Variants in CUL5 observed in about 807,000 individuals in gnomAD.
CUL5 encodes cullin-5.
In CUL5, 26 loss-of-function variants were observed where a neutral mutation model predicts 108.8. That is an observed-to-expected ratio of 0.24 (90% CI 0.18 to 0.33). The LOEUF is 0.33. Ranked by LOEUF, CUL5 falls within the 10% of genes least tolerant of loss-of-function variation. The pLI is 1.00. For missense variants in CUL5, 524 were observed against 909.2 expected (o/e 0.58, Z 5.45); for synonymous variants, 334 against 298.0 (o/e 1.12, Z -1.25).
At chr11:108,090,011 G>C (rs1028399233) in intron 13 of CUL5, among the ~76,000 whole-genome samples, 2 of 149,718 alleles carry the variant, frequency 1.3e-5, no homozygotes, top group African/African-American at 2.4e-5. Flanking sequence ...TTGCACTCCA[G>C]CCTGGGTAAC....
chr11:108,039,443 C>G (rs1862835228), intron 2 of CUL5, among the ~76,000 whole-genome samples: 2 of 152,218 alleles, frequency 1.3e-5, no homozygotes, highest in South Asian at 4.1e-4. Context: ...AGATACCCTT[C>G]TAGGGGAACA....
intron 14 of CUL5, 74 bp downstream of exon 14, chr11:108,094,588 T>TA: frequency 1.0e-6 from 1 of 982,694 alleles, no homozygotes. Flanking sequence ...AAATTAAAAA[T>TA]AAACCTCAGC....
In CUL5 at chr11:108,107,180, C is replaced by T. The variant is rs1864823908; in HGVS notation, c.*2796C>T. ...TCTGTCAACTTTTTTATTTAAGTCT[C>T]TTGCTCTTATTTTGTGCATAAATGT... is the stretch of plus-strand genomic sequence containing the variant. On this transcript the variant is annotated 3_prime_UTR_variant, in exon 19 of 19. Transcript: ENST00000393094. 6.6e-6 allele frequency: 1 copy of T among 151,840 alleles called. No homozygotes were observed. Among genetic ancestry groups the T allele is most frequent in the African/African-American group, 2.4e-5 (1 of 41,334 alleles). 9.4% of individuals were successfully genotyped at this position (151,840 alleles called of 1,614,324 possible).
intron 7 of CUL5, among the ~76,000 whole-genome samples, chr11:108,058,825 C>G (rs932306080): frequency 6.6e-6 from 1 of 152,086 alleles, no homozygotes; most frequent in African/African-American, 2.4e-5. Context: ...ATTTTACATA[C>G]AATTCTAATA....
intron 7 of CUL5, among the ~76,000 whole-genome samples, chr11:108,060,792 A>G (rs1863513459): frequency 6.6e-6 from 1 of 151,944 alleles, no homozygotes; most frequent in African/African-American, 2.4e-5. Flanking sequence ...AGATCGCGCC[A>G]TTGCACTCCA....
chr11:108,097,062 G>C (rs912685057), intron 16 of CUL5, among the ~76,000 whole-genome samples: 1 of 152,028 alleles, frequency 6.6e-6, no homozygotes. Context: ...CTGTCCTCCA[G>C]GTTGGAGTTC....
chr11:108,097,207 G>T (rs1036119273), intron 16 of CUL5, among the ~76,000 whole-genome samples: 8 of 152,084 alleles, frequency 5.3e-5, no homozygotes, highest in Admixed American at 2.0e-4. Context: ...GTAGAGACGG[G>T]GTTTTGCCGT....
At chr11:108,069,630 T>C (rs1473393915) in intron 7 of CUL5, among the ~76,000 whole-genome samples, 1 of 152,206 alleles carries the variant, frequency 6.6e-6, no homozygotes, top group Non-Finnish European at 1.5e-5. Flanking sequence ...ACTGCCCTCC[T>C]CACTCTCAAT....
intron 10 of CUL5, chr11:108,074,185 T>C (rs1323288152): frequency 6.7e-6 from 1 of 149,340 alleles, no homozygotes; most frequent in East Asian, 1.9e-4. Context: ...TTTTTGTCTA[T>C]TTTAATTTTT....
intron 3 of CUL5, among the ~76,000 whole-genome samples, chr11:108,047,906 A>G (rs1863105989): frequency 6.6e-6 from 1 of 152,180 alleles, no homozygotes; most frequent in Non-Finnish European, 1.5e-5. Context: ...GATGTTCTTA[A>G]CAGATGTTAA....
At position 108,104,662 on chromosome 11, in the gene CUL5, T is replaced by A. The variant is rs866679906; in HGVS notation, c.*278T>A. ...AACTTTTAAAAGTGAATTTGATTTGTACCCACCAGGAGAAATACAGTTGGG... is the reference window on the plus strand; with the variant it reads ...AACTTTTAAAAGTGAATTTGATTTGAACCCACCAGGAGAAATACAGTTGGG... On this transcript the variant is annotated 3_prime_UTR_variant, in exon 19 of 19. Transcript: ENST00000393094. The A allele has an allele frequency of 8.8e-6, 2 of 228,286 alleles. No homozygotes were observed. Among genetic ancestry groups the A allele is most frequent in the Non-Finnish European group, 1.7e-5 (2 of 118,914 alleles). The allele number at this position is 228,286 out of a possible 1,614,324, so 14.1% of individuals were successfully genotyped here.
chr11:108,096,101 A>G (rs1478678030), intron 16 of CUL5, among the ~76,000 whole-genome samples: 3 of 151,302 alleles, frequency 2.0e-5, no homozygotes, highest in African/African-American at 7.3e-5. Context: ...CGTCTGAAAA[A>G]AAAAAAAAAT....
At chr11:108,094,321 T>TA in intron 13 of CUL5, 70 bp from the exon 14 acceptor site, 1 of 1,168,156 alleles carries the variant, frequency 8.6e-7, no homozygotes, top group Non-Finnish European at 1.2e-6. Context: ...GTTTTTCTAT[T>TA]AAAATTTTTC....
chr11:108,103,252 GATTT>G (rs1864714337), intron 18 of CUL5, among the ~76,000 whole-genome samples: 1 of 152,104 alleles, frequency 6.6e-6, no homozygotes, highest in South Asian at 2.1e-4. Context: ...AGATGAAAAA[GATTT>G]ATTTCTTTAG....
intron 7 of CUL5, among the ~76,000 whole-genome samples, chr11:108,060,506 C>G (rs761450966): frequency 6.6e-6 from 1 of 151,646 alleles, no homozygotes; most frequent in Non-Finnish European, 1.5e-5. Context: ...GAAATTTGAG[C>G]GAGGTAGAAA....
rs1156518551 is a variant in CUL5 at position 108,026,445 on chromosome 11, TAAAGC to T, written c.25-7354_25-7350del. 4.6e-5 allele frequency among the ~76,000 whole-genome samples: 7 copies of T among 152,250 alleles called. No individual in the cohort carries two copies. In the East Asian group the frequency reaches 1.4e-3, roughly 29 times the overall value. On this transcript the variant is annotated intron_variant, in intron 1 of 18. Coordinates refer to ENST00000393094, the MANE Select transcript of CUL5 (RefSeq NM_003478.6). ...CGTTATTTCCACATCACTGGGAAAT[TAAAGC>T]AATAAAATATGAACTTCTCAGAGTC...
At chr11:108,048,544 A>C (rs901814146) in intron 3 of CUL5, among the ~76,000 whole-genome samples, 1 of 151,018 alleles carries the variant, frequency 6.6e-6, no homozygotes. Flanking sequence ...CTATTCATGG[A>C]TAGACTGAGA....
intron 7 of CUL5, among the ~76,000 whole-genome samples, chr11:108,069,569 ATGTG>A (rs1863771908): frequency 6.6e-6 from 1 of 152,018 alleles, no homozygotes; most frequent in Non-Finnish European, 1.5e-5. Context: ...GTGTTTGTGT[ATGTG>A]TGTGATGCCA....
chr11:108,056,549 G>A (rs1863384295), intron 7 of CUL5, among the ~76,000 whole-genome samples: 1 of 152,076 alleles, frequency 6.6e-6, no homozygotes, highest in Non-Finnish European at 1.5e-5. Context: ...ATAATTTAGT[G>A]GTTATTTATA....
Sources: allele counts gnomAD v4.1 joint callset (sites outside exome capture counted in the v4.1 genomes callset), GRCh38; gene constraint gnomAD v4.1.1; transcripts MANE v1.5; gene names NCBI Gene and HGNC (gene_info 2026-07-23, HGNC 2026-07-21).